PCDHGC4: variants seen among roughly 807,000 people sequenced by gnomAD.
PCDHGC4 encodes the protein protocadherin gamma subfamily C, 4.
Under a neutral mutation model 59.7 loss-of-function variants are expected in PCDHGC4, and 15 were observed. That is an observed-to-expected ratio of 0.25 (90% CI 0.17 to 0.39). The LOEUF (loss-of-function observed/expected upper bound fraction) is 0.39, where lower values mean the gene tolerates loss of function less well. Among genes scored for constraint, PCDHGC4 ranks in the 10% least tolerant of loss-of-function variants. The pLI is 1.00. For missense variants in PCDHGC4, 1,016 were observed against 1,189.5 expected (o/e 0.85, Z 2.15); for synonymous variants, 434 against 481.4 (o/e 0.90, Z 1.29).
rs781026604 is a variant in PCDHGC4, at chr5:141,490,471, C to A, written c.2442+2856C>A. The A allele has an allele frequency of 6.2e-7, 1 of 1,614,214 alleles. No individual in the cohort carries two copies. The highest frequency in any genetic ancestry group is 1.1e-5 in the South Asian group (1 of 91,088). On this transcript the variant is annotated intron_variant, in intron 1 of 3. Transcript: ENST00000306593. This position sits in a 1 kb window ranked among gnomAD's most constrained non-coding sequence, Gnocchi z 5.4. ...CCACTACTCGCTGCTAACCAGCCAGCCTTTGGACCGGGAGGCCACATCCCA... is the reference window on the plus strand; with the variant it reads ...CCACTACTCGCTGCTAACCAGCCAGACTTTGGACCGGGAGGCCACATCCCA...
In PCDHGC4 at chr5:141,502,866, CT is replaced by C. The variant is rs549047197; in HGVS notation, c.2502-2513del. Among the ~76,000 whole-genome samples the C allele has an allele frequency of 2.5e-3, 324 of 127,930 alleles. 1 individual carries two copies. Among genetic ancestry groups the C allele is most frequent in the Non-Finnish European group, 3.0e-3 (189 of 62,366 alleles). 83.9% of individuals were successfully genotyped at this position (127,930 alleles called of 152,430 possible). On this transcript the variant is annotated intron_variant, in intron 2 of 3. Transcript: ENST00000306593. ...GAGCTGCCTAACCCTGACTCTCTGT[CT>C]TTTTTTTTTTTTTGACAGGGAGTCT...
chr5:141,501,290 T>TACACACAC (rs55762287), intron 2 of PCDHGC4, among the ~76,000 whole-genome samples: 94 of 136,244 alleles, frequency 6.9e-4, no homozygotes, highest in Admixed American at 2.2e-3. Context: ...TATTCCCTTA[T>TACACACAC]ACACACACAC....
Position 141,505,409 on chromosome 5 carries a change from G to T in PCDHGC4, c.2518G>T (p.Asp840Tyr). The change falls in exon 3 of 4, where the codon GAC (aspartate) becomes TAC (tyrosine). Residue 840 changes from aspartate to tyrosine, a missense_variant. Asp to Tyr is a radical substitution (Grantham distance 160). Transcript: ENST00000306593. ...PGTSGSQNGD[D>Y]TGTWPNNQFD... Reference sequence around the variant, plus strand: ...TCTCCCCAGCTCCCAAAATGGCGATGACACCGGCACCTGGCCCAACAACCA... The same window carrying T: ...TCTCCCCAGCTCCCAAAATGGCGATTACACCGGCACCTGGCCCAACAACCA... 6.2e-7 allele frequency: 1 copy of T among 1,614,200 alleles called. No individual in the cohort carries two copies. Among genetic ancestry groups the T allele is most frequent in the Non-Finnish European group, 8.5e-7 (1 of 1,180,048 alleles).
At chr5:141,488,872 T>C (rs773185475) in intron 1 of PCDHGC4, among the ~76,000 whole-genome samples, 4 of 151,794 alleles carry the variant, frequency 2.6e-5, no homozygotes, top group Non-Finnish European at 5.9e-5. Flanking sequence ...AGTGGGGAGG[T>C]AGGAAGCTTC....
intron 1 of PCDHGC4, among the ~76,000 whole-genome samples, chr5:141,492,421 C>G (rs986772215): frequency 5.9e-5 from 9 of 152,250 alleles, no homozygotes; most frequent in African/African-American, 1.9e-4. Context: ...CTCCCTCCGC[C>G]GGGCTCAGGA....
rs779191558 is a variant in PCDHGC4 at position 141,491,465 on chromosome 5, A to G, written c.2443-3342A>G. On this transcript the variant is annotated intron_variant, in intron 1 of 3. Coordinates refer to ENST00000306593, the MANE Select transcript of PCDHGC4 (RefSeq NM_018928.3). This position sits in a 1 kb window ranked among gnomAD's most constrained non-coding sequence, Gnocchi z 6.9. The stretch of plus-strand genomic sequence containing the variant: ...CAGGACTCACCCTCCCCGGACTTCT[A>G]TAAGCAGTCCAGCCCCAACCTGCAG... 1.2e-6 allele frequency: 2 copies of G among 1,613,974 alleles called. No homozygotes were observed. The highest frequency in any genetic ancestry group is 1.1e-5 in the South Asian group (1 of 91,084).
chr5:141,491,291 C>A lies in PCDHGC4; in HGVS notation c.2443-3516C>A. The A allele has an allele frequency of 8.1e-6, 13 of 1,614,152 alleles. No individual in the cohort carries two copies. Among genetic ancestry groups the A allele is most frequent in the Non-Finnish European group, 1.1e-5 (13 of 1,179,974 alleles). On this transcript the variant is annotated intron_variant, in intron 1 of 3. Transcript: ENST00000306593. This position sits in a 1 kb window ranked among gnomAD's most constrained non-coding sequence, Gnocchi z 6.9. The stretch of plus-strand genomic sequence containing the variant: ...AAATCCAGTGACTTCCTCATACACC[C>A]TCCTGAGCGTTCAGACCTTACCCTT...
At position 141,487,635 on chromosome 5, in the gene PCDHGC4, A is replaced by C. The variant is rs1594699829; in HGVS notation, c.2442+20A>C. 1.2e-6 allele frequency: 2 copies of C among 1,614,204 alleles called. No individual in the cohort carries two copies. Among genetic ancestry groups the C allele is most frequent in the Non-Finnish European group, 1.7e-6 (2 of 1,180,034 alleles). On this transcript the variant is annotated intron_variant, in intron 1 of 3. Transcript: ENST00000306593. The surrounding 1 kb of genome is among the most constrained non-coding windows in gnomAD (Gnocchi z 5.0). Reference sequence around the variant, plus strand: ...CTAGAGGTGAGACCTTTGCAGGCTCAACAAATGCTTGAGGGTTATTCTGAT... The same window carrying C: ...CTAGAGGTGAGACCTTTGCAGGCTCCACAAATGCTTGAGGGTTATTCTGAT...
Position 141,491,793 on chromosome 5 carries a change from C to A in PCDHGC4, c.2443-3014C>A. 6.6e-7 allele frequency: 1 copy of A among 1,511,410 alleles called. No homozygotes were observed. The highest frequency in any genetic ancestry group is 1.3e-5 in the South Asian group (1 of 77,572). The allele number at this position is 1,511,410 out of a possible 1,614,324, so 93.6% of individuals were successfully genotyped here. On this transcript the variant is annotated intron_variant, in intron 1 of 3. Coordinates refer to ENST00000306593, the MANE Select transcript of PCDHGC4 (RefSeq NM_018928.3). This position sits in a 1 kb window ranked among gnomAD's most constrained non-coding sequence, Gnocchi z 6.9. ...AGGGATTGAACTTGCATCCACTCCT[C>A]TCCGGCCGGCTTGGTCGCTGGCTGC...
intron 2 of PCDHGC4, among the ~76,000 whole-genome samples, chr5:141,504,059 T>C (rs1179226175): frequency 6.6e-6 from 1 of 152,184 alleles, no homozygotes; most frequent in Admixed American, 6.6e-5. Flanking sequence ...ATTGAAAAAC[T>C]TCTCTGAGCC....
At chr5:141,509,153 C>G (rs2099875485) in intron 3 of PCDHGC4, among the ~76,000 whole-genome samples, 2 of 152,190 alleles carry the variant, frequency 1.3e-5, no homozygotes, top group Non-Finnish European at 2.9e-5. Context: ...CGGCTCTCCC[C>G]TCCCGTGTGC....
rs780395794 is a variant in PCDHGC4, at chr5:141,489,685, G to A, written c.2442+2070G>A. ...GCGCATCTCAGAATCAGCAGCATCT[G>A]GGGCACGATTCCCACTGGACAGTGC... On this transcript the variant is annotated intron_variant, in intron 1 of 3. Coordinates refer to ENST00000306593, the MANE Select transcript of PCDHGC4 (RefSeq NM_018928.3). The surrounding 1 kb of genome is among the most constrained non-coding windows in gnomAD (Gnocchi z 4.5). 10 of 1,614,142 alleles carry A rather than the reference G, an allele frequency of 6.2e-6. No individual in the cohort carries two copies. The South Asian group carries it at 1.1e-4, about 18-fold the overall frequency.
rs1193417991 is a variant in PCDHGC4 at position 141,491,413 on chromosome 5, G to T, written c.2443-3394G>T. The T allele has an allele frequency of 6.2e-7, 1 of 1,614,064 alleles. No individual in the cohort carries two copies. Among genetic ancestry groups the T allele is most frequent in the South Asian group, 1.1e-5 (1 of 91,074 alleles). ...CCTTCAGGGAAACGCAGACGGGGAC[G>T]GGGGTGGAGGGCAGTGCTGCAGGCG... On this transcript the variant is annotated intron_variant, in intron 1 of 3. Transcript: ENST00000306593. This position sits in a 1 kb window ranked among gnomAD's most constrained non-coding sequence, Gnocchi z 6.9.
chr5:141,489,944 T>C lies in PCDHGC4; in HGVS notation c.2442+2329T>C. On this transcript the variant is annotated intron_variant, in intron 1 of 3. Coordinates refer to ENST00000306593, the MANE Select transcript of PCDHGC4 (RefSeq NM_018928.3). The surrounding 1 kb of genome is among the most constrained non-coding windows in gnomAD (Gnocchi z 4.5). Reference sequence around the variant, plus strand: ...CTTATCTCTGTCATCGTGCTGGACATCAATGATAATGCTCCAACCTTCCAA... The same window carrying C: ...CTTATCTCTGTCATCGTGCTGGACACCAATGATAATGCTCCAACCTTCCAA... 6.2e-7 allele frequency: 1 copy of C among 1,614,172 alleles called. No homozygotes were observed. Among genetic ancestry groups the C allele is most frequent in the Non-Finnish European group, 8.5e-7 (1 of 1,180,010 alleles).
At chr5:141,488,146 A>G (rs1458115635) in intron 1 of PCDHGC4, among the ~76,000 whole-genome samples, 2 of 152,164 alleles carry the variant, frequency 1.3e-5, no homozygotes, top group South Asian at 4.1e-4. Context: ...AACTAAAGGA[A>G]TAGAGAGGCA....
At chr5:141,495,013 T>C (rs2099758300) in intron 2 of PCDHGC4, 148 bp downstream of exon 2, 12 of 1,511,014 alleles carry the variant, frequency 7.9e-6, no homozygotes, top group Non-Finnish European at 1.1e-5. Context: ...TGCGGGGGGC[T>C]GGCACACAGA....
intron 2 of PCDHGC4, among the ~76,000 whole-genome samples, chr5:141,505,145 G>A (rs540889707): frequency 1.3e-5 from 2 of 152,288 alleles, no homozygotes; most frequent in East Asian, 3.9e-4. Flanking sequence ...CTGGATGACA[G>A]AGTAAGACCC....
intron 2 of PCDHGC4, among the ~76,000 whole-genome samples, chr5:141,498,847 C>T (rs932801278): frequency 1.3e-5 from 2 of 151,856 alleles, no homozygotes; most frequent in Admixed American, 1.3e-4. Flanking sequence ...GCAGGGGAAT[C>T]GCTTGAACCC....
chr5:141,510,821 C>G, intron 3 of PCDHGC4, 126 bp from the exon 4 acceptor site: 2 of 1,559,324 alleles, frequency 1.3e-6, no homozygotes, highest in Non-Finnish European at 1.7e-6. Context: ...CCCCTATATT[C>G]CCAGTGCTCA....
Sources: allele counts gnomAD v4.1 joint callset (sites outside exome capture counted in the v4.1 genomes callset), GRCh38; gene constraint gnomAD v4.1.1; non-coding constraint Gnocchi (gnomAD v3.1); transcripts MANE v1.5; gene names NCBI Gene and HGNC (gene_info 2026-07-23, HGNC 2026-07-21).